Variants in MCPH1 observed in about 807,000 individuals in gnomAD.
MCPH1 encodes microcephalin.
In MCPH1, 104 loss-of-function variants were observed where a neutral mutation model predicts 84.5. That is an observed-to-expected ratio of 1.23 (90% CI 1.05 to 1.45). The LOEUF (loss-of-function observed/expected upper bound fraction) is 1.45, where lower values mean the gene tolerates loss of function less well. Among genes scored for constraint, MCPH1 ranks in the 40% most tolerant of loss-of-function variants. MCPH1 has a pLI of 0.00. For synonymous variants in MCPH1, 514 were observed against 366.8 expected, an observed-to-expected ratio of 1.40 and a Z score of -4.58; for missense variants, 1,498 against 1,005.7, an observed-to-expected ratio of 1.49 and a Z score of -6.62.
In MCPH1 at chr8:6,557,316, C is replaced by T. The variant is rs561319667; in HGVS notation, c.2214+57387C>T. ...TTAAAAAAATATACAGGCTTGCATC[C>T]ACCATACCTACCATACTTGTGTACT... On this transcript the variant is annotated intron_variant, in intron 12 of 13. Transcript: ENST00000344683. Among the ~76,000 whole-genome samples the T allele has an allele frequency of 2.2e-4, 34 of 152,244 alleles. 1 individual carries two copies. The South Asian group carries it at 6.7e-3, about 30-fold the overall frequency.
intron 9 of MCPH1, among the ~76,000 whole-genome samples, chr8:6,461,192 A>G (rs1806242881): frequency 1.3e-5 from 2 of 152,150 alleles, no homozygotes; most frequent in South Asian, 2.1e-4. Flanking sequence ...TCTCAGAGCT[A>G]TAACTTCCAT....
Position 6,628,388 on chromosome 8 carries a change from T to A in MCPH1, c.2452+6697T>A, listed in dbSNP as rs187440032. On this transcript the variant is annotated intron_variant, in intron 13 of 13. Coordinates refer to ENST00000344683, the MANE Select transcript of MCPH1 (RefSeq NM_024596.5). ...CAGGAGGCTGAGGCAGGAGAATGCATGAACCCGGGAGGCAGAGCTTGCAGT... is the reference window on the plus strand; with the variant it reads ...CAGGAGGCTGAGGCAGGAGAATGCAAGAACCCGGGAGGCAGAGCTTGCAGT... Among the ~76,000 whole-genome samples the A allele has an allele frequency of 9.8e-3, 1,368 of 140,100 alleles. 15 individuals carry two copies. Among genetic ancestry groups the A allele is most frequent in the Non-Finnish European group, 0.016 (1,048 of 66,850 alleles). 91.9% of individuals were successfully genotyped at this position (140,100 alleles called of 152,430 possible).
intron 12 of MCPH1, among the ~76,000 whole-genome samples, chr8:6,570,781 C>T (rs902764360): frequency 1.4e-5 from 2 of 145,220 alleles, no homozygotes; most frequent in Admixed American, 1.4e-4. Context: ...GTGTGAATGA[C>T]ATTTGGAGCA....
intron 12 of MCPH1, among the ~76,000 whole-genome samples, chr8:6,543,241 A>T (rs1821928476): frequency 1.3e-5 from 2 of 152,218 alleles, no homozygotes; most frequent in Admixed American, 6.5e-5. Flanking sequence ...ATTTACACGA[A>T]GACTCAGCGG....
At chr8:6,596,896 G>T (rs1002225646) in intron 12 of MCPH1, among the ~76,000 whole-genome samples, 1 of 152,212 alleles carries the variant, frequency 6.6e-6, no homozygotes, top group South Asian at 2.1e-4. Context: ...AGGACACACA[G>T]TAAGAATGAA....
intron 12 of MCPH1, among the ~76,000 whole-genome samples, chr8:6,551,891 A>G (rs1447998769): frequency 6.6e-6 from 1 of 152,206 alleles, no homozygotes; most frequent in African/African-American, 2.4e-5. Flanking sequence ...TGTTTAGGGA[A>G]TTTTTAAGCT....
At chr8:6,597,195 G>T (rs577712223) in intron 12 of MCPH1, among the ~76,000 whole-genome samples, 1 of 152,290 alleles carries the variant, frequency 6.6e-6, no homozygotes, top group East Asian at 1.9e-4. Flanking sequence ...AGGAGCAAAT[G>T]GATGAGCCTC....
intron 12 of MCPH1, among the ~76,000 whole-genome samples, chr8:6,505,905 AT>A (rs1387653978): frequency 9.8e-6 from 1 of 101,882 alleles, no homozygotes; most frequent in African/African-American, 4.8e-5. Flanking sequence ...AAACATACAT[AT>A]TCTTTATATA....
rs541917124 is a variant in MCPH1, at chr8:6,647,401, T to G, written c.*4352T>G. 1 of 152,338 alleles carries G rather than the reference T, an allele frequency of 6.6e-6. No individual in the cohort carries two copies. The highest frequency in any genetic ancestry group is 2.4e-5 in the African/African-American group (1 of 41,570). 9.4% of individuals were successfully genotyped at this position (152,338 alleles called of 1,614,324 possible). The stretch of plus-strand genomic sequence containing the variant: ...AAAAATTGAACATTCAACTACCATA[T>G]GACCCAGCAATTTCACTCTCAGGTA... On this transcript the variant is annotated 3_prime_UTR_variant, in exon 14 of 14. Transcript: ENST00000344683.
intron 12 of MCPH1, among the ~76,000 whole-genome samples, chr8:6,555,614 ACCACG>A (rs1238696504): frequency 6.6e-6 from 1 of 151,788 alleles, no homozygotes; most frequent in Non-Finnish European, 1.5e-5. Context: ...GGCATGTACC[ACCACG>A]CCTGGGTGAT....
rs1586761934 is a variant in MCPH1 at position 6,602,047 on chromosome 8, A to G, written c.2215-19407A>G. On this transcript the variant is annotated intron_variant, in intron 12 of 13. Coordinates refer to ENST00000344683, the MANE Select transcript of MCPH1 (RefSeq NM_024596.5). ...TCTGAAGAATTTTTTCATAGCTTTA[A>G]ATCCACTGCATGGAATAGAGAAGGC... is the stretch of plus-strand genomic sequence containing the variant. Among the ~76,000 whole-genome samples the G allele has an allele frequency of 2.0e-5, 3 of 152,320 alleles. No individual in the cohort carries two copies. In the South Asian group the frequency reaches 6.2e-4, roughly 32 times the overall value.
In MCPH1 at chr8:6,455,269, A is replaced by T. The variant is rs747275209; in HGVS notation, c.1935+17A>T. 1 of 1,550,210 alleles carries T rather than the reference A, an allele frequency of 6.5e-7. No individual in the cohort carries two copies. Among genetic ancestry groups the T allele is most frequent in the South Asian group, 1.1e-5 (1 of 89,840 alleles). On this transcript the variant is annotated intron_variant, in intron 9 of 13. Transcript: ENST00000344683. ...GGCAAAAAGGTCAGTGTGTAAAAATATTATTTTAAACTTTCAAATGCTGAT... is the reference window on the plus strand; with the variant it reads ...GGCAAAAAGGTCAGTGTGTAAAAATTTTATTTTAAACTTTCAAATGCTGAT...
At chr8:6,531,396 C>G (rs1185971516) in intron 12 of MCPH1, among the ~76,000 whole-genome samples, 1 of 151,648 alleles carries the variant, frequency 6.6e-6, no homozygotes, top group Non-Finnish European at 1.5e-5. Context: ...TGAAGCAATT[C>G]TCCTGCCTCA....
chr8:6,406,635 C>G lies in MCPH1; in HGVS notation c.-33C>G. 2 of 1,610,230 alleles carry G rather than the reference C, an allele frequency of 1.2e-6. No individual in the cohort carries two copies. The highest frequency in any genetic ancestry group is 1.7e-6 in the Non-Finnish European group (2 of 1,178,978). On this transcript the variant is annotated 5_prime_UTR_variant, in exon 1 of 14. Coordinates refer to ENST00000344683, the MANE Select transcript of MCPH1 (RefSeq NM_024596.5). ...CGCGCCGCCAGGCTCGCAAGCACCG[C>G]GTAGGCCAGCTGGCCGGATCCCGCC...
intron 13 of MCPH1, among the ~76,000 whole-genome samples, chr8:6,622,896 A>G (rs777319093): frequency 6.6e-6 from 1 of 152,120 alleles, no homozygotes; most frequent in Non-Finnish European, 1.5e-5. Flanking sequence ...GATGGAGTGC[A>G]GTAGCATGAT....
intron 12 of MCPH1, chr8:6,513,795 G>A (rs370206079): frequency 7.4e-6 from 12 of 1,613,716 alleles, no homozygotes; most frequent in South Asian, 2.2e-5. Flanking sequence ...AGTCAGTTGC[G>A]AAACAAACTC....
intron 12 of MCPH1, among the ~76,000 whole-genome samples, chr8:6,572,592 A>G (rs1826749777): frequency 6.6e-6 from 1 of 152,252 alleles, no homozygotes; most frequent in Admixed American, 6.5e-5. Flanking sequence ...ACCGACGTGC[A>G]CACACACAGT....
intron 12 of MCPH1, chr8:6,617,190 T>C (rs1830879829): frequency 6.6e-6 from 1 of 151,124 alleles, no homozygotes; most frequent in Admixed American, 6.6e-5. Context: ...TTATAGCATT[T>C]GAGTTAAGTA....
intron 12 of MCPH1, among the ~76,000 whole-genome samples, chr8:6,578,976 C>G (rs758988914): frequency 3.9e-5 from 6 of 152,198 alleles, no homozygotes; most frequent in Admixed American, 1.3e-4. Flanking sequence ...TTGGGCCAGC[C>G]ATCCAGAACA....
Sources: gnomAD v4.1 joint callset for allele counts (sites outside exome capture counted in the v4.1 genomes callset) on GRCh38, gnomAD v4.1.1 for gene constraint, MANE v1.5 for transcripts, NCBI Gene and HGNC (gene_info 2026-07-23, HGNC 2026-07-21) for gene names.